Variants in MEGF6 observed in about 807,000 individuals in gnomAD.
MEGF6 encodes the protein multiple epidermal growth factor-like domains protein 6.
In MEGF6, 184 loss-of-function variants were observed where a neutral mutation model predicts 207.1. That is an observed-to-expected ratio of 0.89 (90% CI 0.79 to 1.00). The LOEUF (loss-of-function observed/expected upper bound fraction) is 1.00, where lower values mean the gene tolerates loss of function less well. MEGF6 is among the 50% of genes least tolerant of loss of function. The probability of loss-of-function intolerance (pLI) is 0.00; values close to 1 mark genes in which losing one functional copy is unlikely to be tolerated. For synonymous variants in MEGF6, 1,038 were observed against 910.0 expected, an observed-to-expected ratio of 1.14 and a Z score of -2.53; for missense variants, 2,282 against 2,202.9, an observed-to-expected ratio of 1.04 and a Z score of -0.72.
intron 3 of MEGF6, among the ~76,000 whole-genome samples, chr1:3,593,130 C>T (rs923211162): frequency 8.5e-5 from 13 of 152,304 alleles, no homozygotes; most frequent in Middle Eastern, 3.4e-3. Context: ...GCTGGCAGGA[C>T]GGGCCCAAAG....
chr1:3,534,338 A>G (rs375871291), intron 4 of MEGF6, among the ~76,000 whole-genome samples: 5 of 152,308 alleles, frequency 3.3e-5, no homozygotes, highest in African/African-American at 7.2e-5. Context: ...ATTAAAATCA[A>G]TTTCACCTAT....
chr1:3,502,051 G>GAGTGTGCCCCCCGT, intron 17 of MEGF6, 130 bp from the exon 18 acceptor site: 1 of 23,694 alleles, frequency 4.2e-5, no homozygotes, highest in African/African-American at 3.6e-4. Flanking sequence ...GTGCCCCCCC[G>GAGTGTGCCCCCCGT]GCGCCTCCTC....
intron 17 of MEGF6, 100 bp from the exon 18 acceptor site, chr1:3,502,021 C>T (rs1640908575): frequency 6.6e-7 from 1 of 1,520,204 alleles, no homozygotes. Flanking sequence ...CCCTGTGCCT[C>T]ACATGGGCTC....
At chr1:3,546,921 G>A in intron 4 of MEGF6, 1 of 165,274 alleles carries the variant, frequency 6.1e-6, no homozygotes, top group South Asian at 9.8e-5. Context: ...GGCTGGGAAG[G>A]GGGCTGCCAG....
At chr1:3,531,292 G>A in intron 4 of MEGF6, 1 of 1,278,864 alleles carries the variant, frequency 7.8e-7, no homozygotes, top group Non-Finnish European at 9.9e-7. Context: ...CAACCGCGCT[G>A]CGCCCTAAGC....
chr1:3,538,696 C>CTCTGTGTGTG (rs1454068193), intron 4 of MEGF6, among the ~76,000 whole-genome samples: 1 of 132,030 alleles, frequency 7.6e-6, no homozygotes, highest in African/African-American at 3.0e-5. Context: ...GAGCATGTGC[C>CTCTGTGTGTG]TGTGTGTGTG....
intron 2 of MEGF6, among the ~76,000 whole-genome samples, chr1:3,600,254 T>C (rs1644137147): frequency 1.3e-5 from 2 of 152,126 alleles, no homozygotes; most frequent in South Asian, 4.1e-4. Context: ...CAGCCACACA[T>C]ACCCAGGTAT....
In MEGF6 at chr1:3,494,466, T is replaced by G; in HGVS notation, c.4034A>C (p.His1345Pro). 1.3e-6 allele frequency: 2 copies of G among 1,580,734 alleles called. No individual in the cohort carries two copies. The highest frequency in any genetic ancestry group is 1.7e-6 in the Non-Finnish European group (2 of 1,167,758). Residue 1345 changes from histidine (H) to proline (P), a missense_variant, in exon 32 of 37, where the codon CAT (histidine) becomes CCT (proline). By Grantham distance (77) the His-to-Pro change is moderately conservative (BLOSUM62 -2). Coordinates refer to ENST00000356575, the MANE Select transcript of MEGF6 (RefSeq NM_001409.4). Reference sequence around the variant, plus strand: ...GTTGTTGTGGCAGGAGCACTCCAGATGGCAGGCGGCTCCGTAGCGCCCAGG... The same window carrying G: ...GTTGTTGTGGCAGGAGCACTCCAGAGGGCAGGCGGCTCCGTAGCGCCCAGG... ...CPPGRYGAAC[H>P]LECSCHNNST...
chr1:3,567,940 C>T (rs1468743165), intron 4 of MEGF6, among the ~76,000 whole-genome samples: 1 of 152,188 alleles, frequency 6.6e-6, no homozygotes, highest in African/African-American at 2.4e-5. Context: ...CAGGCTGCTG[C>T]CCGCCACCCT....
chr1:3,500,263 C>A, intron 21 of MEGF6, among the ~76,000 whole-genome samples: 1 of 152,232 alleles, frequency 6.6e-6, no homozygotes, highest in East Asian at 1.9e-4. Flanking sequence ...GACCCCTTCT[C>A]CATCCCCCAG....
chr1:3,523,598 G>C (rs577942232), intron 5 of MEGF6, among the ~76,000 whole-genome samples: 1 of 152,156 alleles, frequency 6.6e-6, no homozygotes, highest in African/African-American at 2.4e-5. Context: ...GCTGGGCAGG[G>C]ATCACCTGGG....
chr1:3,496,669 G>A lies in MEGF6; in HGVS notation c.3728C>T (p.Thr1243Met), dbSNP rs200310031. The A allele has an allele frequency of 1.8e-4, 289 of 1,572,626 alleles. No homozygotes were observed. Among genetic ancestry groups the A allele is most frequent in the Non-Finnish European group, 2.3e-4 (268 of 1,159,412 alleles). Residue 1243 changes from threonine to methionine, a missense_variant, in exon 29 of 37, where the codon ACG becomes ATG. Transcript: ENST00000356575. ...CAGCCACTCACTGAGGTTGCAGTCC[G>A]TCCCGAGGAACCCAGTGGGGCAGCG... The part of the protein sequence containing the change: ...ACRCPTGFLG[T>M]DCNLTCPQGR...
At chr1:3,585,073 TGTGA>T (rs1232290066) in intron 3 of MEGF6, among the ~76,000 whole-genome samples, 4 of 146,814 alleles carry the variant, frequency 2.7e-5, no homozygotes, top group Admixed American at 6.7e-5. Context: ...GTGTCCTATG[TGTGA>T]GTGTGAGTGA....
chr1:3,554,405 T>A (rs1213353879), intron 4 of MEGF6, among the ~76,000 whole-genome samples: 1 of 151,622 alleles, frequency 6.6e-6, no homozygotes, highest in Non-Finnish European at 1.5e-5. Context: ...ACTCCAGGTG[T>A]CCCGGTGAGA....
At chr1:3,520,801 C>T (rs1388057650) in intron 5 of MEGF6, among the ~76,000 whole-genome samples, 1 of 152,156 alleles carries the variant, frequency 6.6e-6, no homozygotes, top group Non-Finnish European at 1.5e-5. Flanking sequence ...GGAGGTTGTA[C>T]CTTTCCTGGC....
chr1:3,580,752 A>G (rs934948103), intron 3 of MEGF6, among the ~76,000 whole-genome samples: 3 of 136,802 alleles, frequency 2.2e-5, no homozygotes, highest in African/African-American at 8.2e-5. Context: ...CCAGGGTGGG[A>G]TGGCAGGGCC....
At chr1:3,528,335 AG>A (rs1310647765) in intron 4 of MEGF6, among the ~76,000 whole-genome samples, 1 of 152,242 alleles carries the variant, frequency 6.6e-6, no homozygotes, top group Non-Finnish European at 1.5e-5. Context: ...ACGTGATGGC[AG>A]GGCTGAGCTA....
chr1:3,511,514 G>T, intron 9 of MEGF6, 36 bp downstream of exon 9: 1 of 1,577,610 alleles, frequency 6.3e-7, no homozygotes. Context: ...GGTCCCTGGA[G>T]TGGGGTGCAG....
chr1:3,553,114 G>A lies in MEGF6; in HGVS notation c.481+26711C>T, dbSNP rs188705036. Among the ~76,000 whole-genome samples, 1,110 of 152,214 alleles carry A rather than the reference G, an allele frequency of 7.3e-3. 52 individuals carry two copies. The highest frequency in any genetic ancestry group is 0.066 in the Admixed American group (1,002 of 15,292). On this transcript the variant is annotated intron_variant, in intron 4 of 36. Coordinates refer to ENST00000356575, the MANE Select transcript of MEGF6 (RefSeq NM_001409.4). ...AGGGTACAGGGAGGCCCCAAGCTCC[G>A]CCTAACTACCAGGGCCTTGGAGCCA...
Sources: allele counts gnomAD v4.1 joint callset (sites outside exome capture counted in the v4.1 genomes callset), GRCh38; gene constraint gnomAD v4.1.1; transcripts MANE v1.5; gene names NCBI Gene and HGNC (gene_info 2026-07-23, HGNC 2026-07-21).